The following CPSF2 variants were observed in gnomAD, a reference collection of about 807,000 sequenced individuals.
CPSF2 encodes cleavage and polyadenylation specific factor 2.
CPSF2 carries 51 observed loss-of-function variants against 84.2 expected under a neutral mutation model. The observed-to-expected ratio is 0.61, with a 90% CI of 0.48 to 0.77. The LOEUF is 0.77. CPSF2 is among the 30% of genes least tolerant of loss of function. The pLI is 0.00. For synonymous variants in CPSF2, 286 were observed against 311.9 expected (o/e 0.92, Z 0.87); for missense variants, 641 against 929.4 (o/e 0.69, Z 4.03).
intron 9 of CPSF2, among the ~76,000 whole-genome samples, chr14:92,149,419 A>C (rs1359059038): frequency 6.6e-6 from 1 of 152,140 alleles, no homozygotes; most frequent in Non-Finnish European, 1.5e-5. Context: ...GCCTCTACGA[A>C]GTATAAAGGT....
At position 92,172,141 on chromosome 14, in the gene CPSF2, A is replaced by G. The variant is rs1193803278; in HGVS notation, c.*10397A>G. The G allele has an allele frequency of 1.3e-5, 2 of 152,242 alleles. No homozygotes were observed. Among genetic ancestry groups the G allele is most frequent in the East Asian group, 3.9e-4 (2 of 5,194 alleles). The allele number at this position is 152,242 out of a possible 1,614,324, so 9.4% of individuals were successfully genotyped here. A position where few individuals can be genotyped will look rare whatever the true frequency, so the allele number is the denominator to read the frequency against. ...CAATTGTGAAATAAACAGATTCTGA[A>G]GGTCTGTCCTGGACTGTGTATAGTC... On this transcript the variant is annotated 3_prime_UTR_variant, in exon 16 of 16. Transcript: ENST00000298875.
Position 92,122,001 on chromosome 14 carries a change from C to T in CPSF2, c.-221C>T, listed in dbSNP as rs1000066590. On this transcript the variant is annotated 5_prime_UTR_variant, in exon 1 of 16. Coordinates refer to ENST00000298875, the MANE Select transcript of CPSF2 (RefSeq NM_017437.3). ...TCCAGCTCCAAAATGGCGGCTGCCACTGTGGGGCTTCTGCCGGCCGGTAGT... is the reference window on the plus strand; with the variant it reads ...TCCAGCTCCAAAATGGCGGCTGCCATTGTGGGGCTTCTGCCGGCCGGTAGT... The T allele has an allele frequency of 7.6e-6, 5 of 661,258 alleles. No homozygotes were observed. The highest frequency in any genetic ancestry group is 5.6e-5 in the South Asian group (3 of 53,954). The allele number at this position is 661,258 out of a possible 1,614,324, so 41.0% of individuals were successfully genotyped here. A position where few individuals can be genotyped will look rare whatever the true frequency, so the allele number is the denominator to read the frequency against.
At chr14:92,145,729 A>T (rs1432390469) in intron 9 of CPSF2, among the ~76,000 whole-genome samples, 1 of 152,252 alleles carries the variant, frequency 6.6e-6, no homozygotes, top group Non-Finnish European at 1.5e-5. Context: ...CCATTTGAGG[A>T]ATTAGTAAAA....
chr14:92,162,528 T>C lies in CPSF2; in HGVS notation c.*784T>C, dbSNP rs2069388767. 1 of 152,288 alleles carries C rather than the reference T, an allele frequency of 6.6e-6. No homozygotes were observed. Among genetic ancestry groups the C allele is most frequent in the Non-Finnish European group, 1.5e-5 (1 of 68,034 alleles). The allele number at this position is 152,288 out of a possible 1,614,324, so 9.4% of individuals were successfully genotyped here. A position where few individuals can be genotyped will look rare whatever the true frequency, so the allele number is the denominator to read the frequency against. On this transcript the variant is annotated 3_prime_UTR_variant, in exon 16 of 16. Coordinates refer to ENST00000298875, the MANE Select transcript of CPSF2 (RefSeq NM_017437.3). The stretch of plus-strand genomic sequence containing the variant: ...TTAGGTCCTGTGTTAAACTGTTTAG[T>C]GCTCTGTTTTTAAGAAAACAAATGT...
chr14:92,141,787 G>A (rs1471692911), intron 7 of CPSF2, among the ~76,000 whole-genome samples: 1 of 152,168 alleles, frequency 6.6e-6, no homozygotes, highest in Non-Finnish European at 1.5e-5. Flanking sequence ...GGAGTTCACT[G>A]GGGTGGATAG....
chr14:92,142,108 A>AT, intron 7 of CPSF2, 56 bp from the exon 8 acceptor site: 1 of 1,276,406 alleles, frequency 7.8e-7, no homozygotes, highest in Non-Finnish European at 1.1e-6. Context: ...ATTATCTTTA[A>AT]TTTTGTAGCA....
In CPSF2 at chr14:92,166,886, T is replaced by C. The variant is rs1400460878; in HGVS notation, c.*5142T>C. 6.6e-6 allele frequency: 1 copy of C among 152,246 alleles called. No homozygotes were observed. The highest frequency in any genetic ancestry group is 1.5e-5 in the Non-Finnish European group (1 of 68,048). The allele number at this position is 152,246 out of a possible 1,614,324, so 9.4% of individuals were successfully genotyped here. ...ACATGTCTTCATTACTGTAGCTTTG[T>C]AGTAACTTTTGAAATTGGGGAAGTG... is the stretch of plus-strand genomic sequence containing the variant. On this transcript the variant is annotated 3_prime_UTR_variant, in exon 16 of 16. Transcript: ENST00000298875.
chr14:92,155,275 C>G lies in CPSF2; in HGVS notation c.1394C>G (p.Pro465Arg), dbSNP rs760481268. 5.0e-6 allele frequency: 8 copies of G among 1,614,068 alleles called. No homozygotes were observed. The change falls in exon 11 of 16, where the codon CCT becomes CGT. Residue 465 changes from proline (P) to arginine (R), a missense_variant. Physicochemically the swap from Pro to Arg is moderately radical, Grantham distance 103 (BLOSUM62 -2). Transcript: ENST00000298875. ...GCAAAAAAGTCCTATCCTATGTTTC[C>G]TGCCCCAGAAGAAAGAATTAAATGG... ...KQAKKSYPMF[P>R]APEERIKWDE...
chr14:92,159,029 C>G lies in CPSF2; in HGVS notation c.1868C>G (p.Ala623Gly). 2.5e-6 allele frequency: 4 copies of G among 1,613,934 alleles called. No individual in the cohort carries two copies. Among genetic ancestry groups the G allele is most frequent in the Non-Finnish European group, 3.4e-6 (4 of 1,179,930 alleles). Residue 623 changes from alanine (A) to glycine (G), a missense_variant, in exon 14 of 16, where the codon GCA becomes GGA. Physicochemically the swap from Ala to Gly is moderately conservative, Grantham distance 60 (BLOSUM62 0). Transcript: ENST00000298875. ...GTCAGCTCTCTTCAGTTTTGTAAGG[C>G]AAAAGATGCTGAATTAGCTTGGATA... is the stretch of plus-strand genomic sequence containing the variant. ...SLVSSLQFCK[A>G]KDAELAWIDG...
At chr14:92,126,458 A>G (rs1382276289) in intron 2 of CPSF2, among the ~76,000 whole-genome samples, 1 of 152,192 alleles carries the variant, frequency 6.6e-6, no homozygotes, top group Non-Finnish European at 1.5e-5. Context: ...TCCTTTCCAA[A>G]ATTGTATTTA....
intron 6 of CPSF2, among the ~76,000 whole-genome samples, chr14:92,137,837 C>T (rs2069020033): frequency 6.6e-6 from 1 of 151,904 alleles, no homozygotes; most frequent in Non-Finnish European, 1.5e-5. Context: ...ATTTTTATGT[C>T]CTGGGTAAAA....
intron 9 of CPSF2, among the ~76,000 whole-genome samples, chr14:92,150,879 A>G (rs925650489): frequency 6.6e-5 from 10 of 152,212 alleles, no homozygotes; most frequent in African/African-American, 2.4e-4. Context: ...TAATTTTCAA[A>G]TGAAAATTTA....
At chr14:92,155,361 G>A (rs368300746) in intron 11 of CPSF2, 38 bp downstream of exon 11, 3 of 1,493,106 alleles carry the variant, frequency 2.0e-6, no homozygotes, top group Non-Finnish European at 2.8e-6. Flanking sequence ...CTTACAAATT[G>A]GAGGTATTAA....
In CPSF2 at chr14:92,131,080, G is replaced by C; in HGVS notation, c.96G>C (p.Leu32Phe). The C allele has an allele frequency of 1.9e-6, 3 of 1,612,720 alleles. No homozygotes were observed. Among genetic ancestry groups the C allele is most frequent in the Non-Finnish European group, 2.5e-6 (3 of 1,179,320 alleles). ...LLQVDEFRFL[L>F]DCGWDEHFSM... ...AAGTTGATGAGTTTAGATTTTTATT[G>C]GACTGTGGCTGGGATGAGCACTTTT... The change falls in exon 3 of 16, where the codon TTG becomes TTC. Residue 32 changes from leucine (L) to phenylalanine (F), a missense_variant. Leu to Phe is a conservative substitution (Grantham distance 22, BLOSUM62 0). Coordinates refer to ENST00000298875, the MANE Select transcript of CPSF2 (RefSeq NM_017437.3).
chr14:92,155,220 G>A lies in CPSF2; in HGVS notation c.1339G>A (p.Gly447Ser). 1.9e-6 allele frequency: 3 copies of A among 1,614,038 alleles called. No individual in the cohort carries two copies. Among genetic ancestry groups the A allele is most frequent in the East Asian group, 4.5e-5 (2 of 44,852 alleles). Residue 447 changes from glycine to serine, a missense_variant, in exon 11 of 16, where the codon GGC becomes AGC. By Grantham distance (56) the Gly-to-Ser change is moderately conservative. This residue lies in a region of CPSF2 where 430 missense variants were observed against 553.6 expected (regional missense o/e 0.78). Coordinates refer to ENST00000298875, the MANE Select transcript of CPSF2 (RefSeq NM_017437.3). Reference protein sequence around the residue: ...TKHDLMMKGEGSRKGSFFKQA... With the variant: ...TKHDLMMKGESSRKGSFFKQA... ...GCATGACTTGATGATGAAAGGTGAA[G>A]GCAGTCGTAAAGGAAGTTTTTTCAA...
chr14:92,147,617 G>C (rs1378209040), intron 9 of CPSF2, among the ~76,000 whole-genome samples: 4 of 151,982 alleles, frequency 2.6e-5, no homozygotes, highest in African/African-American at 9.7e-5. Context: ...GTTGCTAACT[G>C]TTTTTAAAAA....
chr14:92,134,026 T>G lies in CPSF2; in HGVS notation c.165T>G (p.Ile55Met). 1 of 1,614,192 alleles carries G rather than the reference T, an allele frequency of 6.2e-7. No individual in the cohort carries two copies. The highest frequency in any genetic ancestry group is 8.5e-7 in the Non-Finnish European group (1 of 1,180,032). The change falls in exon 4 of 16, where the codon ATT becomes ATG. Residue 55 changes from isoleucine (I) to methionine (M), a missense_variant. Physicochemically the swap from Ile to Met is conservative, Grantham distance 10. Coordinates refer to ENST00000298875, the MANE Select transcript of CPSF2 (RefSeq NM_017437.3). ...GTTCTTGTAGGCATGTTCACCAGATTGATGCAGTGCTGTTGTCTCACCCTG... is the reference window on the plus strand; with the variant it reads ...GTTCTTGTAGGCATGTTCACCAGATGGATGCAGTGCTGTTGTCTCACCCTG... ...IDSLRKHVHQ[I>M]DAVLLSHPDP... is the part of the protein sequence containing the mutation.
At chr14:92,134,531 G>GA (rs2068974714) in intron 5 of CPSF2, among the ~76,000 whole-genome samples, 176 bp downstream of exon 5, 1 of 152,098 alleles carries the variant, frequency 6.6e-6, no homozygotes, top group African/African-American at 2.4e-5. Flanking sequence ...AAATATTTCA[G>GA]AAAAAATGCT....
At chr14:92,134,417 C>A in intron 5 of CPSF2, 62 bp downstream of exon 5, 2 of 1,137,664 alleles carry the variant, frequency 1.8e-6, no homozygotes, top group South Asian at 1.3e-5. Context: ...TGGAAAATAC[C>A]GAGGAGAATT....
Sources: allele counts gnomAD v4.1 joint callset (sites outside exome capture counted in the v4.1 genomes callset), GRCh38; gene constraint gnomAD v4.1.1; regional missense constraint gnomAD v4.1.1; transcripts MANE v1.5; gene names NCBI Gene and HGNC (gene_info 2026-07-23, HGNC 2026-07-21).